ADAMTSL3: variants seen among roughly 807,000 people sequenced by gnomAD.
The protein encoded by ADAMTSL3 is ADAMTS like 3, also known as ADAMTS-like protein 3.
In ADAMTSL3, 128 loss-of-function variants were observed where a neutral mutation model predicts 201.7. The ratio of observed to expected loss-of-function variants is 0.63; its 90% CI spans 0.55 to 0.73. The LOEUF (loss-of-function observed/expected upper bound fraction) is 0.73. ADAMTSL3 is among the 30% of genes least tolerant of loss of function. The pLI, the probability that ADAMTSL3 is intolerant of heterozygous loss-of-function variation, is 0.00. For missense variants in ADAMTSL3, 1,990 were observed against 2,119.6 expected (o/e 0.94, Z 1.20); for synonymous variants, 738 against 748.4 (o/e 0.99, Z 0.23).
At chr15:83,712,289 G>A (rs183245099) in intron 3 of ADAMTSL3, among the ~76,000 whole-genome samples, 125 of 151,968 alleles carry the variant, frequency 8.2e-4, no homozygotes, top group African/African-American at 2.4e-3. Flanking sequence ...GCTTTCCATC[G>A]TCCCCTCATG....
chr15:83,922,344 T>G (rs2066162863), intron 16 of ADAMTSL3, among the ~76,000 whole-genome samples: 1 of 152,196 alleles, frequency 6.6e-6, no homozygotes, highest in Admixed American at 6.5e-5. Context: ...GTTGTACAAT[T>G]CCACCCAGAA....
rs1207840126 is a variant in ADAMTSL3 at position 83,654,290 on chromosome 15, G to T, written c.-34+14G>T. 1 of 152,318 alleles carries T rather than the reference G, an allele frequency of 6.6e-6. No homozygotes were observed. The highest frequency in any genetic ancestry group is 1.5e-5 in the Non-Finnish European group (1 of 68,188). 9.4% of individuals were successfully genotyped at this position (152,318 alleles called of 1,614,324 possible). Reference sequence around the variant, plus strand: ...CTGCGGCGCAAGGTGGGTGCACCGAGCTCGGCGCAGGGCGGCCCCTCAGGG... The same window carrying T: ...CTGCGGCGCAAGGTGGGTGCACCGATCTCGGCGCAGGGCGGCCCCTCAGGG... On this transcript the variant is annotated intron_variant, in intron 1 of 29. Coordinates refer to ENST00000286744, the MANE Select transcript of ADAMTSL3 (RefSeq NM_207517.3). The surrounding 1 kb of genome is among the most constrained non-coding windows in gnomAD (Gnocchi z 5.3).
chr15:83,670,970 A>G (rs2061322566), intron 2 of ADAMTSL3, among the ~76,000 whole-genome samples: 2 of 152,366 alleles, frequency 1.3e-5, no homozygotes, highest in South Asian at 4.1e-4. Context: ...AACATGAGGA[A>G]ACATAGTAAT....
chr15:83,755,390 C>G (rs928011820), intron 3 of ADAMTSL3, among the ~76,000 whole-genome samples: 3 of 152,110 alleles, frequency 2.0e-5, no homozygotes, highest in Non-Finnish European at 4.4e-5. Context: ...AAAACTGAAC[C>G]TACTGTACCC....
chr15:83,851,278 G>A (rs74024584), intron 7 of ADAMTSL3, among the ~76,000 whole-genome samples: 1,698 of 152,198 alleles, frequency 0.011, 34 homozygotes, highest in African/African-American at 0.037. Flanking sequence ...CTGGGTGCTC[G>A]GCAGTGTGCT....
chr15:83,744,808 G>GGGTGTC (rs1472630798), intron 3 of ADAMTSL3, among the ~76,000 whole-genome samples: 1 of 152,300 alleles, frequency 6.6e-6, no homozygotes, highest in Non-Finnish European at 1.5e-5. Flanking sequence ...TGTCGTGTTT[G>GGGTGTC]GGGTGTCTTA....
intron 3 of ADAMTSL3, among the ~76,000 whole-genome samples, chr15:83,761,165 A>G (rs2062802743): frequency 6.6e-6 from 1 of 152,148 alleles, no homozygotes; most frequent in Admixed American, 6.5e-5. Flanking sequence ...AGCTTAAAAC[A>G]TCTATCCTTG....
chr15:84,024,257 CAACA>C (rs939123633), intron 26 of ADAMTSL3, among the ~76,000 whole-genome samples: 4 of 152,168 alleles, frequency 2.6e-5, no homozygotes, highest in East Asian at 3.9e-4. Context: ...CTCCGTCTCA[CAACA>C]AACAAACAAA....
chr15:83,678,492 A>C (rs897168531), intron 2 of ADAMTSL3, among the ~76,000 whole-genome samples: 1 of 151,652 alleles, frequency 6.6e-6, no homozygotes, highest in Non-Finnish European at 1.5e-5. Context: ...CAGATGAGAA[A>C]TTTAATGTTA....
At chr15:83,891,509 C>A in intron 12 of ADAMTSL3, 130 bp downstream of exon 12, 1 of 711,004 alleles carries the variant, frequency 1.4e-6, no homozygotes, top group South Asian at 2.0e-5. Context: ...GGAAAACAGA[C>A]TTCTACTCAA....
intron 4 of ADAMTSL3, among the ~76,000 whole-genome samples, chr15:83,789,322 T>A (rs1305739328): frequency 6.6e-6 from 1 of 152,192 alleles, no homozygotes; most frequent in Non-Finnish European, 1.5e-5. Context: ...TGTCCCTGAT[T>A]CCCAGATGCA....
At chr15:83,664,273 C>CA (rs2061217770) in intron 2 of ADAMTSL3, among the ~76,000 whole-genome samples, 1 of 142,664 alleles carries the variant, frequency 7.0e-6, no homozygotes, top group Non-Finnish European at 1.6e-5. Flanking sequence ...CTTTTCTTTT[C>CA]GTTTTTTTTT....
chr15:84,007,546 G>T (rs1009120695), intron 23 of ADAMTSL3, among the ~76,000 whole-genome samples: 6 of 147,686 alleles, frequency 4.1e-5, no homozygotes, highest in Non-Finnish European at 6.2e-5. Flanking sequence ...AGCCCAGTGA[G>T]ACCCCATCAC....
rs2067959751 is a variant in ADAMTSL3 at position 84,009,189 on chromosome 15, G to A, written c.3974-5353G>A. On this transcript the variant is annotated intron_variant, in intron 23 of 29. Transcript: ENST00000286744. ...CAAAATCTTTGGAATAGAAACCAAA[G>A]CCTTACGATGACCTATCAGGCTATG... Among the ~76,000 whole-genome samples the A allele has an allele frequency of 3.3e-5, 5 of 152,098 alleles. No individual in the cohort carries two copies. In the South Asian group the frequency reaches 1.0e-3, roughly 32 times the overall value.
At chr15:83,806,675 G>A (rs1339127455) in intron 5 of ADAMTSL3, among the ~76,000 whole-genome samples, 2 of 152,066 alleles carry the variant, frequency 1.3e-5, no homozygotes, top group African/African-American at 4.8e-5. Context: ...CCAACATGGT[G>A]AAACTCTGTC....
intron 2 of ADAMTSL3, among the ~76,000 whole-genome samples, chr15:83,686,055 G>A (rs2061532179): frequency 6.6e-6 from 1 of 152,082 alleles, no homozygotes; most frequent in South Asian, 2.1e-4. Flanking sequence ...CTGGGTTTCT[G>A]CCCTAAGCCA....
intron 6 of ADAMTSL3, among the ~76,000 whole-genome samples, chr15:83,828,992 TTG>T (rs1189312689): frequency 6.6e-6 from 1 of 152,150 alleles, no homozygotes; most frequent in African/African-American, 2.4e-5. Flanking sequence ...ATTCTCTTTT[TTG>T]GTTGTGTCTC....
At chr15:83,782,158 A>G (rs1259476678) in intron 4 of ADAMTSL3, among the ~76,000 whole-genome samples, 1 of 152,204 alleles carries the variant, frequency 6.6e-6, no homozygotes, top group Non-Finnish European at 1.5e-5. Flanking sequence ...TAGCAAAGAC[A>G]TGGAATCAAC....
At chr15:83,795,378 A>G (rs138729846) in intron 4 of ADAMTSL3, among the ~76,000 whole-genome samples, 1 of 152,314 alleles carries the variant, frequency 6.6e-6, no homozygotes, top group East Asian at 1.9e-4. Context: ...GTAAGTGCAT[A>G]ACTGATTCTG....
Sources: allele counts gnomAD v4.1 joint callset (sites outside exome capture counted in the v4.1 genomes callset), GRCh38; gene constraint gnomAD v4.1.1; non-coding constraint Gnocchi (gnomAD v3.1); transcripts MANE v1.5; gene names NCBI Gene and HGNC (gene_info 2026-07-23, HGNC 2026-07-21).